PLD5: variants seen among roughly 807,000 people sequenced by gnomAD.
PLD5 encodes phospholipase D family member 5, also known as inactive phospholipase D5.
A neutral mutation model predicts 61.1 loss-of-function variants in PLD5; 36 were observed. That is an observed-to-expected ratio of 0.59 (90% CI 0.45 to 0.78). The LOEUF (loss-of-function observed/expected upper bound fraction) is 0.78. Ranked by LOEUF, PLD5 falls within the 30% of genes least tolerant of loss-of-function variation. The pLI is 0.00. For synonymous variants in PLD5, 243 were observed against 242.8 expected, an observed-to-expected ratio of 1.00 and a Z score of -0.01; for missense variants, 515 against 644.4, an observed-to-expected ratio of 0.80 and a Z score of 2.17.
intron 1 of PLD5, among the ~76,000 whole-genome samples, chr1:242,513,546 T>A (rs983782391): frequency 1.3e-5 from 2 of 152,206 alleles, no homozygotes; most frequent in African/African-American, 4.8e-5. Context: ...AATGATGACA[T>A]GTAAATTGAG....
chr1:242,291,137 T>C (rs1375213262), intron 2 of PLD5, among the ~76,000 whole-genome samples: 2 of 152,108 alleles, frequency 1.3e-5, no homozygotes, highest in African/African-American at 4.8e-5. Context: ...TTCACATGCA[T>C]TGTCCTAATC....
chr1:242,484,082 C>A (rs1312370309), intron 1 of PLD5, among the ~76,000 whole-genome samples: 1 of 152,150 alleles, frequency 6.6e-6, no homozygotes, highest in Non-Finnish European at 1.5e-5. Context: ...AAATTTATAG[C>A]ACTAAATGCC....
At chr1:242,422,058 AT>A (rs1192959701) in intron 1 of PLD5, among the ~76,000 whole-genome samples, 4 of 152,312 alleles carry the variant, frequency 2.6e-5, no homozygotes, top group Admixed American at 1.3e-4. Flanking sequence ...GAAGGTCTTC[AT>A]TTTTTCAATC....
intron 7 of PLD5, among the ~76,000 whole-genome samples, chr1:242,113,218 T>G (rs183866197): frequency 0.017 from 2,509 of 150,942 alleles, 67 homozygotes; most frequent in African/African-American, 0.056. Context: ...GCCTCCCGAG[T>G]AGCTGGGACT....
intron 3 of PLD5, among the ~76,000 whole-genome samples, chr1:242,272,668 A>T (rs964434914): frequency 1.8e-4 from 28 of 152,190 alleles, no homozygotes; most frequent in African/African-American, 6.8e-4. Context: ...AAAGAAGAAA[A>T]GTAAATGTAT....
intron 1 of PLD5, among the ~76,000 whole-genome samples, chr1:242,513,744 A>G (rs1418954272): frequency 6.6e-6 from 1 of 152,196 alleles, no homozygotes; most frequent in Non-Finnish European, 1.5e-5. Context: ...AGATACAAAG[A>G]GCAGAATTCC....
chr1:242,412,698 C>T (rs1343449645), intron 1 of PLD5, among the ~76,000 whole-genome samples: 2 of 152,212 alleles, frequency 1.3e-5, no homozygotes, highest in East Asian at 3.9e-4. Context: ...ATGGATGTGC[C>T]ACAATTTATG....
At chr1:242,391,477 T>C (rs1662929325) in intron 1 of PLD5, among the ~76,000 whole-genome samples, 1 of 152,138 alleles carries the variant, frequency 6.6e-6, no homozygotes, top group Admixed American at 6.5e-5. Flanking sequence ...GCAAGTATTG[T>C]TTAGACAGAG....
intron 7 of PLD5, among the ~76,000 whole-genome samples, chr1:242,108,553 G>T (rs1306111205): frequency 1.3e-5 from 2 of 152,172 alleles, no homozygotes; most frequent in African/African-American, 4.8e-5. Context: ...ATGTGGGGCA[G>T]ACTCCCACTC....
rs559469473 is a variant in PLD5 at position 242,283,650 on chromosome 1, G to C, written c.495+4712C>G. Among the ~76,000 whole-genome samples the C allele has an allele frequency of 5.0e-4, 76 of 152,138 alleles. 1 individual carries two copies. Among genetic ancestry groups the C allele is most frequent in the Non-Finnish European group, 8.1e-4 (55 of 68,032 alleles). The stretch of plus-strand genomic sequence containing the variant: ...GTGTTTGGCACCAGAATATTTTAAA[G>C]AAAATTTAAATTTGTTCACTTGAGT... On this transcript the variant is annotated intron_variant, in intron 3 of 9. Transcript: ENST00000536534.
intron 1 of PLD5, among the ~76,000 whole-genome samples, chr1:242,519,966 T>G (rs1053094229): frequency 6.6e-6 from 1 of 152,210 alleles, no homozygotes; most frequent in Non-Finnish European, 1.5e-5. Flanking sequence ...TACTGTGTAT[T>G]GAGCATTTAA....
chr1:242,494,152 C>T (rs1443021542), intron 1 of PLD5, among the ~76,000 whole-genome samples: 1 of 125,762 alleles, frequency 8.0e-6, no homozygotes, highest in African/African-American at 3.1e-5. Flanking sequence ...TCTCTCGATT[C>T]TAAGTTTTGG....
chr1:242,137,662 G>A (rs1483857659), intron 5 of PLD5, among the ~76,000 whole-genome samples: 1 of 152,112 alleles, frequency 6.6e-6, no homozygotes, highest in Non-Finnish European at 1.5e-5. Flanking sequence ...ATCCTATAAA[G>A]TACAGCCAAG....
intron 1 of PLD5, among the ~76,000 whole-genome samples, chr1:242,384,383 G>A (rs1053296550): frequency 6.6e-6 from 1 of 152,222 alleles, no homozygotes; most frequent in African/African-American, 2.4e-5. Context: ...GTTCTGAGGG[G>A]CTGGTGAAAG....
At chr1:242,144,147 G>A (rs977531837) in intron 5 of PLD5, among the ~76,000 whole-genome samples, 2 of 151,932 alleles carry the variant, frequency 1.3e-5, no homozygotes, top group Non-Finnish European at 2.9e-5. Context: ...GGGATTACAG[G>A]TATGAGCCAC....
At chr1:242,528,040 A>G (rs1417360484), upstream of PLD5, among the ~76,000 whole-genome samples, 2 of 152,212 alleles carry the variant, frequency 1.3e-5, no homozygotes, top group African/African-American at 4.8e-5. Flanking sequence ...CCAATAAACT[A>G]TGGTGAATAA....
chr1:242,398,469 C>T (rs964520532), intron 1 of PLD5, among the ~76,000 whole-genome samples: 1 of 152,190 alleles, frequency 6.6e-6, no homozygotes, highest in African/African-American at 2.4e-5. Context: ...GTGCTTTATC[C>T]TCTTCCACAA....
intron 1 of PLD5, among the ~76,000 whole-genome samples, chr1:242,522,327 A>G (rs1009176464): frequency 2.6e-5 from 4 of 152,220 alleles, no homozygotes; most frequent in Non-Finnish European, 4.4e-5. Flanking sequence ...CTGGTCTCCA[A>G]TCCTCAGAGG....
rs549046363 is a variant in PLD5, at chr1:242,328,379, G to C, written c.326+19727C>G. Among the ~76,000 whole-genome samples, 34 of 151,902 alleles carry C rather than the reference G, an allele frequency of 2.2e-4. No individual in the cohort carries two copies. In the South Asian group the frequency reaches 6.9e-3, roughly 31 times the overall value. On this transcript the variant is annotated intron_variant, in intron 2 of 9. Transcript: ENST00000536534. ...TGTTCTACATATGTGTTCTACATGTGTTCACACGTGTTCTACATAGTTGTG... is the reference window on the plus strand; with the variant it reads ...TGTTCTACATATGTGTTCTACATGTCTTCACACGTGTTCTACATAGTTGTG...
Sources: gnomAD v4.1 joint callset for allele counts (sites outside exome capture counted in the v4.1 genomes callset) on GRCh38, gnomAD v4.1.1 for gene constraint, MANE v1.5 for transcripts, NCBI Gene and HGNC (gene_info 2026-07-23, HGNC 2026-07-21) for gene names.